Variants in DAAM2 observed in about 807,000 individuals in gnomAD.
DAAM2 encodes dishevelled associated activator of morphogenesis 2, also known as disheveled-associated activator of morphogenesis 2.
Under a neutral mutation model 120.7 loss-of-function variants are expected in DAAM2, and 39 were observed. The observed-to-expected ratio is 0.32, with a 90% CI of 0.25 to 0.42. The LOEUF (loss-of-function observed/expected upper bound fraction) is 0.42. DAAM2 is among the 10% of genes least tolerant of loss of function. DAAM2 has a pLI of 1.00. For missense variants in DAAM2, 1,283 were observed against 1,401.7 expected (o/e 0.92, Z 1.35); for synonymous variants, 488 against 524.9 (o/e 0.93, Z 0.96).
At chr6:39,810,431 A>C (rs902290086) in intron 1 of DAAM2, among the ~76,000 whole-genome samples, 1 of 152,246 alleles carries the variant, frequency 6.6e-6, no homozygotes, top group Admixed American at 6.5e-5. Flanking sequence ...TTGGTATGGC[A>C]GAGTCTGCAG....
intron 1 of DAAM2, among the ~76,000 whole-genome samples, chr6:39,838,150 A>G (rs183524458): frequency 1.2e-4 from 19 of 152,354 alleles, no homozygotes; most frequent in Admixed American, 1.2e-3. Context: ...GCCAGCAACT[A>G]GCAATCTGAC....
At chr6:39,874,269 G>T (rs543122588) in intron 10 of DAAM2, among the ~76,000 whole-genome samples, 58 of 152,304 alleles carry the variant, frequency 3.8e-4, no homozygotes, top group African/African-American at 1.3e-3. Flanking sequence ...AACATGTTCT[G>T]CCTCTTTGAG....
At chr6:39,806,464 C>T (rs1436053916) in intron 1 of DAAM2, among the ~76,000 whole-genome samples, 2 of 152,162 alleles carry the variant, frequency 1.3e-5, no homozygotes, top group Admixed American at 6.5e-5. Context: ...TCATTCAGAG[C>T]TGCTCCTAGA....
chr6:39,862,497 C>T (rs1481801570), intron 3 of DAAM2: 1 of 149,906 alleles, frequency 6.7e-6, no homozygotes, highest in Non-Finnish European at 1.5e-5. Context: ...GCTGCTAAAA[C>T]AAACAAACAA....
chr6:39,803,695 T>C (rs1761931616), intron 1 of DAAM2, among the ~76,000 whole-genome samples: 1 of 152,180 alleles, frequency 6.6e-6, no homozygotes, highest in Non-Finnish European at 1.5e-5. Context: ...TTAGCCTCAG[T>C]GCTAACACTG....
At chr6:39,820,041 T>G (rs547452245) in intron 1 of DAAM2, 1 of 152,300 alleles carries the variant, frequency 6.6e-6, no homozygotes, top group Non-Finnish European at 1.5e-5. Flanking sequence ...ACTCTGCTCG[T>G]GGGGGTGGAA....
rs1341066830 is a variant in DAAM2, at chr6:39,904,533, A to G, written c.*2496A>G. 2.2e-6 allele frequency: 1 copy of G among 454,132 alleles called. No individual in the cohort carries two copies. Among genetic ancestry groups the G allele is most frequent in the Non-Finnish European group, 4.4e-6 (1 of 226,950 alleles). 28.1% of individuals were successfully genotyped at this position (454,132 alleles called of 1,614,324 possible). ...GTGGCCAATGTAAAATTCGTCATCAACCTAACAAACACAACCTTCTCAGCA... is the reference window on the plus strand; with the variant it reads ...GTGGCCAATGTAAAATTCGTCATCAGCCTAACAAACACAACCTTCTCAGCA... On this transcript the variant is annotated 3_prime_UTR_variant, in exon 25 of 25. Coordinates refer to ENST00000274867, the MANE Select transcript of DAAM2 (RefSeq NM_001201427.2).
intron 2 of DAAM2, among the ~76,000 whole-genome samples, chr6:39,858,480 G>T (rs1462880860): frequency 6.6e-6 from 1 of 152,110 alleles, no homozygotes; most frequent in Non-Finnish European, 1.5e-5. Context: ...GAATACCCTG[G>T]TTTCTGACAT....
At chr6:39,796,619 CAAAAAAA>C (rs58885455) in intron 1 of DAAM2, among the ~76,000 whole-genome samples, 3,055 of 109,644 alleles carry the variant, frequency 0.028, 104 homozygotes, top group African/African-American at 0.098. Context: ...GGTCCCCCTC[CAAAAAAA>C]AAAAAAAAAA....
At chr6:39,885,560 A>G (rs766791638) in intron 15 of DAAM2, 1 of 152,384 alleles carries the variant, frequency 6.6e-6, no homozygotes, top group African/African-American at 2.4e-5. Flanking sequence ...ATTTTGTACA[A>G]ACTGGGTCTG....
chr6:39,864,015 C>A, intron 3 of DAAM2, among the ~76,000 whole-genome samples: 1 of 151,846 alleles, frequency 6.6e-6, no homozygotes, highest in East Asian at 1.9e-4. Context: ...TGTCACAGAC[C>A]AATACTTTTG....
At chr6:39,831,759 A>C in intron 1 of DAAM2, among the ~76,000 whole-genome samples, 1 of 93,356 alleles carries the variant, frequency 1.1e-5, no homozygotes, top group Admixed American at 1.3e-4. Context: ...GGACAGGAGC[A>C]CTGGGGAGGC....
intron 1 of DAAM2, among the ~76,000 whole-genome samples, chr6:39,841,756 G>T (rs568335043): frequency 3.3e-5 from 5 of 152,192 alleles, no homozygotes; most frequent in African/African-American, 7.2e-5. Context: ...TAGAAATGGG[G>T]AGTCCATTCA....
At chr6:39,806,850 A>G (rs1323396662) in intron 1 of DAAM2, among the ~76,000 whole-genome samples, 3 of 131,844 alleles carry the variant, frequency 2.3e-5, no homozygotes, top group Non-Finnish European at 3.3e-5. Flanking sequence ...CAAAAAAAAA[A>G]AAAAAGAAAA....
At chr6:39,884,266 T>C in intron 15 of DAAM2, 197 bp downstream of exon 15, 1 of 526,386 alleles carries the variant, frequency 1.9e-6, no homozygotes, top group Non-Finnish European at 3.4e-6. Context: ...GGTGATGATT[T>C]TATTCTTGCT....
chr6:39,824,625 GA>G (rs1038872572), intron 1 of DAAM2, among the ~76,000 whole-genome samples: 3 of 152,158 alleles, frequency 2.0e-5, no homozygotes, highest in Non-Finnish European at 2.9e-5. Flanking sequence ...GCCAATTCAG[GA>G]CAGAGAACTT....
At chr6:39,848,405 T>C (rs984947917) in intron 1 of DAAM2, among the ~76,000 whole-genome samples, 3 of 152,176 alleles carry the variant, frequency 2.0e-5, no homozygotes, top group African/African-American at 7.2e-5. Flanking sequence ...AGTGCCCTAG[T>C]GAGTCAAAGA....
intron 1 of DAAM2, among the ~76,000 whole-genome samples, chr6:39,831,245 T>C (rs1762876253): frequency 6.6e-6 from 1 of 152,090 alleles, no homozygotes; most frequent in Admixed American, 6.5e-5. Flanking sequence ...GTATAGTCTG[T>C]CAGGTGGTGG....
At chr6:39,849,575 C>T (rs1260279685) in intron 1 of DAAM2, among the ~76,000 whole-genome samples, 1 of 152,180 alleles carries the variant, frequency 6.6e-6, no homozygotes, top group Admixed American at 6.5e-5. Flanking sequence ...GGCCAAGTAA[C>T]TTGTTTGAAG....
Sources: gnomAD v4.1 joint callset for allele counts (sites outside exome capture counted in the v4.1 genomes callset) on GRCh38, gnomAD v4.1.1 for gene constraint, MANE v1.5 for transcripts, NCBI Gene and HGNC (gene_info 2026-07-23, HGNC 2026-07-21) for gene names.